Variants in RANBP17 observed in about 807,000 individuals in gnomAD.
The protein encoded by RANBP17 is RAN binding protein 17.
A neutral mutation model predicts 141.2 loss-of-function variants in RANBP17; 158 were observed. The observed-to-expected ratio is 1.12, with a 90% CI of 0.98 to 1.28. The LOEUF (loss-of-function observed/expected upper bound fraction) is 1.28, where lower values mean the gene tolerates loss of function less well. Among genes scored for constraint, RANBP17 ranks in the 50% most tolerant of loss-of-function variants. The pLI is 0.00. For synonymous variants in RANBP17, 430 were observed against 450.0 expected (o/e 0.96, Z 0.56); for missense variants, 1,438 against 1,290.7 (o/e 1.11, Z -1.75).
At chr5:170,918,591 T>C in intron 9 of RANBP17, 122 bp from the exon 10 acceptor site, 1 of 642,838 alleles carries the variant, frequency 1.6e-6, no homozygotes. Context: ...ACTACCCAAT[T>C]GACACAGAGT....
At chr5:171,269,804 G>T (rs1766977154) in intron 25 of RANBP17, among the ~76,000 whole-genome samples, 1 of 152,200 alleles carries the variant, frequency 6.6e-6, no homozygotes, top group African/African-American at 2.4e-5. Context: ...AGGCATCTGT[G>T]TCGGTTAAGT....
chr5:171,238,319 A>G (rs758701425), intron 22 of RANBP17, among the ~76,000 whole-genome samples: 13 of 152,214 alleles, frequency 8.5e-5, no homozygotes, highest in Non-Finnish European at 1.6e-4. Flanking sequence ...TATCTGACAT[A>G]GTCCAAAAGG....
intron 25 of RANBP17, among the ~76,000 whole-genome samples, chr5:171,279,902 A>C (rs947945283): frequency 1.3e-5 from 2 of 152,134 alleles, no homozygotes; most frequent in Admixed American, 1.3e-4. Context: ...ATAATACCAC[A>C]CTAAGTTTTC....
At chr5:170,993,697 G>A (rs1433947764) in intron 14 of RANBP17, among the ~76,000 whole-genome samples, 2 of 152,040 alleles carry the variant, frequency 1.3e-5, no homozygotes, top group African/African-American at 2.4e-5. Flanking sequence ...TTGTAATGAT[G>A]ATGATAATGA....
At chr5:170,974,280 A>AG (rs1249257459) in intron 14 of RANBP17, among the ~76,000 whole-genome samples, 1 of 152,224 alleles carries the variant, frequency 6.6e-6, no homozygotes, top group African/African-American at 2.4e-5. Context: ...GGACAGACAC[A>AG]GGGTAGTCCT....
chr5:170,904,387 G>C (rs914762584), intron 5 of RANBP17: 1 of 173,766 alleles, frequency 5.8e-6, no homozygotes, highest in African/African-American at 2.4e-5. Flanking sequence ...TCATACAGGA[G>C]TGGCCACCAC....
At chr5:171,073,265 G>A (rs1260736383) in intron 14 of RANBP17, among the ~76,000 whole-genome samples, 2 of 152,106 alleles carry the variant, frequency 1.3e-5, no homozygotes, top group East Asian at 3.9e-4. Flanking sequence ...CTTAATGAAA[G>A]TGGTAGGGGG....
In RANBP17 at chr5:171,138,901, C is replaced by T. The variant is rs536448626; in HGVS notation, c.1711-31229C>T. ...GACTATCCCGGACAACATAATGAGTCGTCATCTCTGCAAAAAATGGAAAAA... is the reference window on the plus strand; with the variant it reads ...GACTATCCCGGACAACATAATGAGTTGTCATCTCTGCAAAAAATGGAAAAA... On this transcript the variant is annotated intron_variant, in intron 14 of 27. Transcript: ENST00000523189. 2.8e-3 allele frequency among the ~76,000 whole-genome samples: 431 copies of T among 152,072 alleles called. 2 individuals carry two copies. The highest frequency in any genetic ancestry group is 4.4e-3 in the Non-Finnish European group (302 of 67,976).
intron 22 of RANBP17, among the ~76,000 whole-genome samples, chr5:171,235,983 A>G (rs1348248413): frequency 6.6e-6 from 1 of 152,188 alleles, no homozygotes; most frequent in African/African-American, 2.4e-5. Context: ...TATTTTTCTA[A>G]ATCCTTATCA....
At chr5:171,035,505 C>T (rs984065474) in intron 14 of RANBP17, among the ~76,000 whole-genome samples, 2 of 149,540 alleles carry the variant, frequency 1.3e-5, no homozygotes, top group Non-Finnish European at 3.0e-5. Flanking sequence ...ACATGTTAAC[C>T]CGATCATGTA....
At chr5:171,006,184 A>G (rs1779588271) in intron 14 of RANBP17, among the ~76,000 whole-genome samples, 2 of 152,202 alleles carry the variant, frequency 1.3e-5, no homozygotes, top group African/African-American at 2.4e-5. Context: ...GGAAGTCAGT[A>G]TGGCGATTCC....
At chr5:171,022,261 A>T (rs12655963) in intron 14 of RANBP17, among the ~76,000 whole-genome samples, 104,544 of 152,068 alleles carry the variant, frequency 0.69, 36,113 homozygotes, top group South Asian at 0.89. Context: ...TGTTGGAGGG[A>T]CTCACCCAGT....
chr5:170,973,014 T>C (rs1777102371), intron 14 of RANBP17, among the ~76,000 whole-genome samples: 1 of 152,188 alleles, frequency 6.6e-6, no homozygotes. Context: ...CATTCCACTT[T>C]ATGACATGAT....
chr5:170,879,035 GT>G (rs1477854312), intron 2 of RANBP17, among the ~76,000 whole-genome samples: 1 of 152,112 alleles, frequency 6.6e-6, no homozygotes, highest in African/African-American at 2.4e-5. Flanking sequence ...GAATAGAACT[GT>G]TTTTGGGCGG....
At chr5:170,870,552 T>C (rs906154969) in intron 1 of RANBP17, among the ~76,000 whole-genome samples, 1 of 152,202 alleles carries the variant, frequency 6.6e-6, no homozygotes, top group African/African-American at 2.4e-5. Context: ...CATGATCTCA[T>C]TCCTTTTTAA....
At chr5:171,230,117 T>C (rs1486558615) in intron 22 of RANBP17, among the ~76,000 whole-genome samples, 1 of 152,046 alleles carries the variant, frequency 6.6e-6, no homozygotes, top group Admixed American at 6.6e-5. Flanking sequence ...GGAACTTAAG[T>C]CCAGCAGGGG....
chr5:170,869,398 T>C (rs10063192), intron 1 of RANBP17, among the ~76,000 whole-genome samples: 94,761 of 150,052 alleles, frequency 0.63, 30,833 homozygotes, highest in South Asian at 0.9. Context: ...GGCTCAAGCC[T>C]ACTGCCTCAG....
intron 1 of RANBP17, among the ~76,000 whole-genome samples, chr5:170,872,649 T>A (rs576210286): frequency 1.1e-4 from 16 of 152,342 alleles, no homozygotes; most frequent in African/African-American, 3.8e-4. Flanking sequence ...TGTGGGTTTG[T>A]CATAAATAGC....
intron 24 of RANBP17, chr5:171,253,010 A>T: frequency 2.6e-6 from 3 of 1,147,682 alleles, no homozygotes; most frequent in Non-Finnish European, 3.9e-6. Context: ...ATGAAGAGAT[A>T]CTTTCTGCCG....
Sources: allele counts gnomAD v4.1 joint callset (sites outside exome capture counted in the v4.1 genomes callset), GRCh38; gene constraint gnomAD v4.1.1; transcripts MANE v1.5; gene names NCBI Gene and HGNC (gene_info 2026-07-23, HGNC 2026-07-21).